EML6: variants seen among roughly 807,000 people sequenced by gnomAD.
EML6 encodes the protein echinoderm microtubule-associated protein-like 6.
Under a neutral mutation model 240.1 loss-of-function variants are expected in EML6, and 154 were observed. That is an observed-to-expected ratio of 0.64 (90% CI 0.56 to 0.73). EML6 has a LOEUF of 0.73. EML6 is among the 30% of genes least tolerant of loss of function. EML6 has a pLI of 0.00. For synonymous variants in EML6, 1,148 were observed against 899.0 expected (o/e 1.28, Z -4.95); for missense variants, 2,964 against 2,474.6 (o/e 1.20, Z -4.20).
chr2:54,869,798 T>G (rs1671158259), intron 15 of EML6, among the ~76,000 whole-genome samples: 2 of 152,226 alleles, frequency 1.3e-5, no homozygotes, highest in Non-Finnish European at 2.9e-5. Context: ...TAATTTGTAT[T>G]TTAGCCTTAT....
Position 54,744,905 on chromosome 2 carries a change from T to TACACACACACACACACACAC in EML6, c.197+19686_197+19705dup, listed in dbSNP as rs56324677. Reference sequence around the variant, plus strand: ...ATGTGTATAACACAACACACACACGTACACACACACACACACACACACACA... The same window carrying TACACACACACACACACACAC: ...ATGTGTATAACACAACACACACACGTACACACACACACACACACACACACACACACACACACACACACACA... On this transcript the variant is annotated intron_variant, in intron 2 of 41. Transcript: ENST00000356458. Among the ~76,000 whole-genome samples, 4 of 107,238 alleles carry TACACACACACACACACACAC rather than the reference T, an allele frequency of 3.7e-5. 1 individual carries two copies. Among genetic ancestry groups the TACACACACACACACACACAC allele is most frequent in the Admixed American group, 9.0e-5 (1 of 11,170 alleles). 70.4% of individuals were successfully genotyped at this position (107,238 alleles called of 152,430 possible).
chr2:54,959,502 C>T (rs1407212751), intron 34 of EML6, among the ~76,000 whole-genome samples: 1 of 152,148 alleles, frequency 6.6e-6, no homozygotes, highest in South Asian at 2.1e-4. Flanking sequence ...TGGTTCACGC[C>T]TGTAATCTCA....
chr2:54,926,715 T>A (rs1424707788), intron 26 of EML6, among the ~76,000 whole-genome samples: 1 of 152,224 alleles, frequency 6.6e-6, no homozygotes, highest in African/African-American at 2.4e-5. Context: ...GAATCTTGAA[T>A]CACCCACTGC....
chr2:54,723,569 C>T (rs1016905725), upstream of EML6: 2 of 152,344 alleles, frequency 1.3e-5, no homozygotes, highest in African/African-American at 4.8e-5. Context: ...GAGATCTCGC[C>T]TAGTAACCGG....
intron 35 of EML6, 143 bp from the exon 36 acceptor site, chr2:54,962,380 C>G (rs1419367878): frequency 1.9e-5 from 12 of 639,640 alleles, no homozygotes; most frequent in Non-Finnish European, 2.6e-5. Context: ...CCACTGAACA[C>G]TGACTCCCCT....
intron 28 of EML6, among the ~76,000 whole-genome samples, chr2:54,947,736 T>C (rs1389757748): frequency 6.6e-6 from 1 of 152,204 alleles, no homozygotes; most frequent in East Asian, 1.9e-4. Context: ...GCGGGAAGCA[T>C]TGACAAAGCT....
At chr2:54,864,027 C>T in intron 13 of EML6, 138 bp downstream of exon 13, 2 of 559,178 alleles carry the variant, frequency 3.6e-6, no homozygotes, top group Middle Eastern at 2.8e-4. Context: ...CTACTTTGTG[C>T]CTTTAAGTGC....
At chr2:54,815,031 T>C (rs934899871) in intron 3 of EML6, among the ~76,000 whole-genome samples, 2 of 152,246 alleles carry the variant, frequency 1.3e-5, no homozygotes, top group African/African-American at 4.8e-5. Flanking sequence ...CTTATGTCTG[T>C]ACTGGTATGC....
Position 54,725,067 on chromosome 2 carries a change from G to C in EML6, c.6G>C (p.Ala2=), listed in dbSNP as rs1386921366. 18 of 1,524,536 alleles carry C rather than the reference G, an allele frequency of 1.2e-5. No homozygotes were observed. Among genetic ancestry groups the C allele is most frequent in the African/African-American group, 1.4e-5 (1 of 69,892 alleles). The allele number at this position is 1,524,536 out of a possible 1,614,324, so 94.4% of individuals were successfully genotyped here. A position where few individuals can be genotyped will look rare whatever the true frequency, so the allele number is the denominator to read the frequency against. The part of the protein sequence containing the change: M[A]DRTAPRCQLR... ...GCGCGCGGGGTCGGCTTATCATGGC[G>C]GATCGGACGGCGCCCCGCTGCCAGC... Residue 2 remains alanine, a synonymous_variant, in exon 2 of 42, where the codon GCG becomes GCC. Transcript: ENST00000356458. The surrounding 1 kb of genome is among the most constrained non-coding windows in gnomAD (Gnocchi z 4.3).
In EML6 at chr2:54,922,257, C is replaced by G. The variant is rs573361047; in HGVS notation, c.3675+5322C>G. Among the ~76,000 whole-genome samples the G allele has an allele frequency of 2.2e-3, 342 of 152,244 alleles. 1 individual carries two copies. The highest frequency in any genetic ancestry group is 3.9e-3 in the Non-Finnish European group (267 of 68,004). On this transcript the variant is annotated intron_variant, in intron 26 of 41. Coordinates refer to ENST00000356458, the MANE Select transcript of EML6 (RefSeq NM_001039753.4). Reference sequence around the variant, plus strand: ...AAAACAGGCAAATGACTTGAATAGACATTTCTCCAAAGAAGACATAGAAAT... The same window carrying G: ...AAAACAGGCAAATGACTTGAATAGAGATTTCTCCAAAGAAGACATAGAAAT...
intron 5 of EML6, among the ~76,000 whole-genome samples, chr2:54,820,816 A>G (rs893684534): frequency 6.6e-6 from 1 of 152,162 alleles, no homozygotes; most frequent in East Asian, 1.9e-4. Context: ...GAATATTTAC[A>G]TATTTGCATG....
At chr2:54,823,752 T>C (rs566951529) in intron 5 of EML6, among the ~76,000 whole-genome samples, 1 of 152,162 alleles carries the variant, frequency 6.6e-6, no homozygotes, top group South Asian at 2.1e-4. Flanking sequence ...CCTAGGGGGT[T>C]AGGTGGGAAT....
chr2:54,758,214 AG>A (rs1667822966), intron 2 of EML6, among the ~76,000 whole-genome samples: 2 of 152,068 alleles, frequency 1.3e-5, no homozygotes, highest in South Asian at 4.1e-4. Context: ...CAAGTCCTGA[AG>A]GGAGAGGGGA....
intron 2 of EML6, among the ~76,000 whole-genome samples, chr2:54,762,827 C>G (rs1183770815): frequency 1.3e-5 from 2 of 152,132 alleles, no homozygotes; most frequent in Non-Finnish European, 2.9e-5. Context: ...AATTCTGGTT[C>G]TTTTAGTGGG....
rs1488115482 is a variant in EML6 at position 54,879,602 on chromosome 2, T to C, written c.2400T>C (p.Phe800=). 1.3e-6 allele frequency: 2 copies of C among 1,552,078 alleles called. No individual in the cohort carries two copies. The highest frequency in any genetic ancestry group is 4.9e-5 in the East Asian group (2 of 40,926). ...TAGACGATTTTCACAGTATTGTATT[T>C]TGGGACTGGAAAAAGGGAGAAAAGA... is the stretch of plus-strand genomic sequence containing the variant. ...VGLDDFHSIV[F]WDWKKGEKIA... The change falls in exon 17 of 42, where the codon TTT becomes TTC. Residue 800 remains phenylalanine (F), a synonymous_variant. Coordinates refer to ENST00000356458, the MANE Select transcript of EML6 (RefSeq NM_001039753.4).
intron 25 of EML6, among the ~76,000 whole-genome samples, chr2:54,915,509 G>A (rs1274670082): frequency 6.6e-6 from 1 of 152,044 alleles, no homozygotes; most frequent in Non-Finnish European, 1.5e-5. Flanking sequence ...GGTGATTTCT[G>A]GGGGAACCAC....
rs1668506908 is a variant in EML6 at position 54,774,197 on chromosome 2, A to G, written c.198-39035A>G. On this transcript the variant is annotated intron_variant, in intron 2 of 41. Coordinates refer to ENST00000356458, the MANE Select transcript of EML6 (RefSeq NM_001039753.4). This position sits in a 1 kb window ranked among gnomAD's most constrained non-coding sequence, Gnocchi z 4.1. ...TTATTTCTGTAAAAGAAGAGGAGTG[A>G]TTATCATAGGTTGAGTTTCCTAGGA... 6.6e-6 allele frequency among the ~76,000 whole-genome samples: 1 copy of G among 152,194 alleles called. No homozygotes were observed. The highest frequency in any genetic ancestry group is 2.4e-5 in the African/African-American group (1 of 41,438).
rs776597553 is a variant in EML6, at chr2:54,960,307, G to A, written c.4941G>A (p.Glu1647=). The change falls in exon 35 of 42, where the codon GAG becomes GAA. Residue 1647 remains glutamate, a synonymous_variant. Coordinates refer to ENST00000356458, the MANE Select transcript of EML6 (RefSeq NM_001039753.4). The part of the protein sequence containing the change: ...AFQLETGQLV[E]CVRSVCRGKG... ...AGCTGGAGACCGGGCAGCTGGTGGA[G>A]TGTGTGCGCTCCGTGTGCCGTGGAA... The A allele has an allele frequency of 2.3e-5, 35 of 1,550,950 alleles. No individual in the cohort carries two copies. Among genetic ancestry groups the A allele is most frequent in the Non-Finnish European group, 2.9e-5 (33 of 1,146,896 alleles).
At chr2:54,831,736 C>T (rs908456155) in intron 7 of EML6, among the ~76,000 whole-genome samples, 1 of 152,204 alleles carries the variant, frequency 6.6e-6, no homozygotes, top group Non-Finnish European at 1.5e-5. Context: ...ACAGATTGTG[C>T]TTTTAAAGGA....
Sources: gnomAD v4.1 joint callset for allele counts (sites outside exome capture counted in the v4.1 genomes callset) on GRCh38, gnomAD v4.1.1 for gene constraint, Gnocchi (gnomAD v3.1) non-coding constraint, MANE v1.5 for transcripts, NCBI Gene and HGNC (gene_info 2026-07-23, HGNC 2026-07-21) for gene names.